Variants in L3MBTL4 observed in about 807,000 individuals in gnomAD.
The protein encoded by L3MBTL4 is lethal(3)malignant brain tumor-like protein 4.
L3MBTL4 carries 70 observed loss-of-function variants against 84.5 expected under a neutral mutation model. The ratio of observed to expected loss-of-function variants is 0.83; its 90% confidence interval spans 0.68 to 1.01. L3MBTL4 has a LOEUF of 1.01. Among genes scored for constraint, L3MBTL4 ranks in the 50% least tolerant of loss-of-function variants. The pLI, the probability that L3MBTL4 is intolerant of heterozygous loss-of-function variation, is 0.00. For missense variants in L3MBTL4, 715 were observed against 754.8 expected (o/e 0.95, Z 0.62); for synonymous variants, 274 against 259.8 (o/e 1.05, Z -0.52).
chr18:6,034,305 A>T (rs1028805289), intron 16 of L3MBTL4, among the ~76,000 whole-genome samples: 1 of 145,918 alleles, frequency 6.9e-6, no homozygotes, highest in Non-Finnish European at 1.5e-5. Flanking sequence ...CGCTCCCCCC[A>T]CCCCACAACA....
chr18:6,115,428 A>G (rs1015750546), intron 14 of L3MBTL4, among the ~76,000 whole-genome samples: 1 of 152,178 alleles, frequency 6.6e-6, no homozygotes, highest in African/African-American at 2.4e-5. Context: ...TCGGGGTAAG[A>G]GAGGGAATGG....
In L3MBTL4 at chr18:6,241,292, A is replaced by C. The variant is rs2047438944; in HGVS notation, c.552+66T>G. On this transcript the variant is annotated intron_variant, in intron 8 of 18. Transcript: ENST00000317931. Reference sequence around the variant, plus strand: ...AAAGGATTAAAATAAAACAGAATATATAGTGAATTTTAAGAAATTTAAGCT... The same window carrying C: ...AAAGGATTAAAATAAAACAGAATATCTAGTGAATTTTAAGAAATTTAAGCT... 1.1e-5 allele frequency: 10 copies of C among 892,644 alleles called. No homozygotes were observed. In the South Asian group the frequency reaches 1.4e-4, roughly 13 times the overall value. 55.3% of individuals were successfully genotyped at this position (892,644 alleles called of 1,614,324 possible). A position where few individuals can be genotyped will look rare whatever the true frequency, so the allele number is the denominator to read the frequency against.
At chr18:6,213,001 G>C in intron 12 of L3MBTL4, 148 bp downstream of exon 12, 1 of 539,730 alleles carries the variant, frequency 1.9e-6, no homozygotes, top group Non-Finnish European at 3.3e-6. Flanking sequence ...CAATCTTCAA[G>C]GTCAAATCCA....
intron 1 of L3MBTL4, among the ~76,000 whole-genome samples, chr18:6,321,932 A>C (rs1036311611): frequency 1.3e-5 from 2 of 152,200 alleles, no homozygotes; most frequent in Non-Finnish European, 2.9e-5. Context: ...AGAAAAAAAA[A>C]CTACATATTT....
chr18:6,241,997 T>C (rs2047470926), intron 7 of L3MBTL4, among the ~76,000 whole-genome samples: 1 of 152,184 alleles, frequency 6.6e-6, no homozygotes, highest in Non-Finnish European at 1.5e-5. Flanking sequence ...GCATCTTTAC[T>C]AGTCTCCCAT....
At chr18:5,999,781 C>T (rs1328563434) in intron 16 of L3MBTL4, among the ~76,000 whole-genome samples, 1 of 152,220 alleles carries the variant, frequency 6.6e-6, no homozygotes, top group East Asian at 1.9e-4. Context: ...GGTGGCCGAT[C>T]TCCTGGGTGG....
intron 12 of L3MBTL4, among the ~76,000 whole-genome samples, chr18:6,202,989 C>T (rs2145676420): frequency 6.6e-6 from 1 of 152,290 alleles, no homozygotes; most frequent in East Asian, 1.9e-4. Flanking sequence ...ACATTCTCAG[C>T]CCAGGCATGT....
chr18:6,157,192 G>C (rs556672926), intron 13 of L3MBTL4, among the ~76,000 whole-genome samples: 66 of 152,236 alleles, frequency 4.3e-4, no homozygotes, highest in African/African-American at 1.5e-3. Flanking sequence ...TGAGTACTTA[G>C]GGACTCTTAA....
intron 1 of L3MBTL4, among the ~76,000 whole-genome samples, chr18:6,353,211 G>A (rs955704109): frequency 1.6e-4 from 24 of 150,888 alleles, no homozygotes; most frequent in East Asian, 3.9e-4. Context: ...ACAAATCAAC[G>A]CAACTCACAG....
intron 16 of L3MBTL4, among the ~76,000 whole-genome samples, chr18:5,984,804 A>G (rs1486567940): frequency 2.0e-5 from 3 of 152,170 alleles, no homozygotes; most frequent in Non-Finnish European, 2.9e-5. Context: ...GGCTTTCTTA[A>G]TCATAGCTAA....
At chr18:6,274,018 C>T (rs1268855174) in intron 4 of L3MBTL4, among the ~76,000 whole-genome samples, 2 of 152,184 alleles carry the variant, frequency 1.3e-5, no homozygotes, top group Middle Eastern at 3.2e-3. Flanking sequence ...ACAATCCTTC[C>T]AGGTGATTAC....
intron 16 of L3MBTL4, among the ~76,000 whole-genome samples, chr18:5,971,883 C>T (rs2052658321): frequency 6.6e-6 from 1 of 152,274 alleles, no homozygotes; most frequent in South Asian, 2.1e-4. Context: ...TAGGTCACAA[C>T]GAAAGAGATG....
At chr18:5,978,613 G>A (rs905259890) in intron 16 of L3MBTL4, among the ~76,000 whole-genome samples, 9 of 152,074 alleles carry the variant, frequency 5.9e-5, no homozygotes, top group African/African-American at 1.7e-4. Flanking sequence ...TGCTCTCCAC[G>A]TGCAGATACT....
At chr18:6,274,173 A>G (rs2146505802) in intron 4 of L3MBTL4, among the ~76,000 whole-genome samples, 1 of 152,364 alleles carries the variant, frequency 6.6e-6, no homozygotes, top group East Asian at 1.9e-4. Flanking sequence ...TCAAAGTGTG[A>G]TACCCAAACC....
In L3MBTL4 at chr18:6,213,278, G is replaced by A. The variant is rs1057219374; in HGVS notation, c.871-19C>T. ...GCAACCTCTGTAAATGTTATTATAA[G>A]TACAACAAATCATGCAAAATTCAGT... is the stretch of plus-strand genomic sequence containing the variant. On this transcript the variant is annotated intron_variant, in intron 11 of 18. Coordinates refer to ENST00000317931, the MANE Select transcript of L3MBTL4 (RefSeq NM_001330559.2). The A allele has an allele frequency of 3.5e-6, 5 of 1,415,668 alleles. No individual in the cohort carries two copies. Among genetic ancestry groups the A allele is most frequent in the Non-Finnish European group, 4.9e-6 (5 of 1,023,426 alleles). The allele number at this position is 1,415,668 out of a possible 1,614,324, so 87.7% of individuals were successfully genotyped here. A position where few individuals can be genotyped will look rare whatever the true frequency, so the allele number is the denominator to read the frequency against.
chr18:6,279,248 A>G (rs1218476317), intron 4 of L3MBTL4, among the ~76,000 whole-genome samples: 2 of 152,202 alleles, frequency 1.3e-5, no homozygotes, highest in Non-Finnish European at 2.9e-5. Context: ...TAAAACAAAA[A>G]GCATTGAGAC....
chr18:6,175,828 G>C (rs1196319331), intron 12 of L3MBTL4, among the ~76,000 whole-genome samples: 1 of 151,788 alleles, frequency 6.6e-6, no homozygotes, highest in African/African-American at 2.4e-5. Context: ...AGTGCAATTA[G>C]GCAAGAGAAA....
chr18:6,025,532 T>G (rs1052767602), intron 16 of L3MBTL4, among the ~76,000 whole-genome samples: 1 of 152,236 alleles, frequency 6.6e-6, no homozygotes, highest in African/African-American at 2.4e-5. Context: ...TCTGTTTAAC[T>G]CTTCCAGACC....
intron 1 of L3MBTL4, among the ~76,000 whole-genome samples, chr18:6,368,723 G>A (rs2054034932): frequency 6.6e-6 from 1 of 152,186 alleles, no homozygotes. Flanking sequence ...AAACAGTGCT[G>A]TCCAATTATT....
Sources: gnomAD v4.1 joint callset for allele counts (sites outside exome capture counted in the v4.1 genomes callset) on GRCh38, gnomAD v4.1.1 for gene constraint, MANE v1.5 for transcripts, NCBI Gene and HGNC (gene_info 2026-07-23, HGNC 2026-07-21) for gene names.